The following RTRAF variants were observed in gnomAD, a reference collection of about 807,000 sequenced individuals.
RTRAF encodes the protein tRNA-splicing ligase complex subunit RTRAF.
RTRAF carries 14 observed loss-of-function variants against 34.4 expected under a neutral mutation model. The observed-to-expected ratio is 0.41, with a 90% CI of 0.27 to 0.64. RTRAF has a LOEUF of 0.64. Ranked by LOEUF, RTRAF falls within the 30% of genes least tolerant of loss-of-function variation. The probability of loss-of-function intolerance (pLI) is 0.34; values close to 1 mark genes in which losing one functional copy is unlikely to be tolerated. For missense variants in RTRAF, 291 were observed against 288.4 expected, an observed-to-expected ratio of 1.01 and a Z score of -0.06; for synonymous variants, 96 against 95.3, an observed-to-expected ratio of 1.01 and a Z score of -0.04.
intron 6 of RTRAF, among the ~76,000 whole-genome samples, chr14:52,003,538 T>C (rs1301277850): frequency 2.0e-5 from 3 of 152,192 alleles, no homozygotes; most frequent in African/African-American, 7.2e-5. Context: ...TGATTTTATA[T>C]AATCAGCAGG....
chr14:52,005,659 G>T lies in RTRAF; in HGVS notation c.*1143G>T. ...GGCAATGGTGGCAGTGTCACAGGCA[G>T]CAGGGGTAATCAAATACCATATATA... On this transcript the variant is annotated 3_prime_UTR_variant, in exon 8 of 8. Coordinates refer to ENST00000261700, the MANE Select transcript of RTRAF (RefSeq NM_016039.3). The T allele has an allele frequency of 7.2e-7, 1 of 1,382,268 alleles. No individual in the cohort carries two copies. Among genetic ancestry groups the T allele is most frequent in the Non-Finnish European group, 1.0e-6 (1 of 970,574 alleles). The allele number at this position is 1,382,268 out of a possible 1,614,324, so 85.6% of individuals were successfully genotyped here. A position where few individuals can be genotyped will look rare whatever the true frequency, so the allele number is the denominator to read the frequency against.
intron 3 of RTRAF, among the ~76,000 whole-genome samples, chr14:51,996,807 G>C (rs61971506): frequency 2.0e-5 from 3 of 151,724 alleles, no homozygotes; most frequent in East Asian, 3.9e-4. Context: ...CACTTCTCTC[G>C]AAAGAAAAAA....
intron 3 of RTRAF, among the ~76,000 whole-genome samples, chr14:51,997,632 GA>G (rs1483891363): frequency 3.3e-5 from 5 of 151,932 alleles, no homozygotes; most frequent in African/African-American, 1.2e-4. Flanking sequence ...TTTTTCAAAT[GA>G]AAATAATAAA....
intron 3 of RTRAF, 37 bp downstream of exon 3, chr14:51,993,859 G>T: frequency 8.2e-7 from 1 of 1,216,394 alleles, no homozygotes; most frequent in Admixed American, 2.2e-5. Context: ...TAAAGAGAGA[G>T]GAAAGATGGG....
chr14:52,001,930 T>A (rs1890607616), intron 6 of RTRAF, 64 bp downstream of exon 6: 1 of 1,360,564 alleles, frequency 7.3e-7, no homozygotes, highest in Non-Finnish European at 1.0e-6. Context: ...GCCGTGATTT[T>A]AAACTTTGCA....
In RTRAF at chr14:52,001,830, A is replaced by AC; in HGVS notation, c.496dup (p.Gln166ProfsTer6). On this transcript the variant is annotated frameshift_variant, in exon 6 of 8. Coordinates refer to ENST00000261700, the MANE Select transcript of RTRAF (RefSeq NM_016039.3). LOFTEE classifies it high-confidence loss of function. Reference sequence around the variant, plus strand: ...GGATTTTGGTTCAGGAGCGCCTGACACAGGATGCAGTTGCTAAGGCAAATC... The same window carrying AC: ...GGATTTTGGTTCAGGAGCGCCTGACACCAGGATGCAGTTGCTAAGGCAAATC... 2 of 1,610,392 alleles carry AC rather than the reference A, an allele frequency of 1.2e-6. No homozygotes were observed. The highest frequency in any genetic ancestry group is 1.7e-6 in the Non-Finnish European group (2 of 1,179,038).
chr14:51,991,464 A>G (rs760813595), intron 2 of RTRAF, 23 bp downstream of exon 2: 1 of 1,594,454 alleles, frequency 6.3e-7, no homozygotes, highest in Non-Finnish European at 8.5e-7. Flanking sequence ...GAAGTAAAGT[A>G]AAAATACAGA....
chr14:51,989,582 C>T lies in RTRAF; in HGVS notation c.-58C>T. ...TCGCCGGTGCCTGCGCCTCCCGCTC[C>T]ACCTCGCTTCTTCTCTCCCGGCCGA... On this transcript the variant is annotated 5_prime_UTR_variant, in exon 1 of 8. Coordinates refer to ENST00000261700, the MANE Select transcript of RTRAF (RefSeq NM_016039.3). The T allele has an allele frequency of 2.6e-6, 4 of 1,535,704 alleles. No homozygotes were observed. The highest frequency in any genetic ancestry group is 2.0e-5 in the Admixed American group (1 of 50,610).
At chr14:51,991,267 G>C (rs1214633178) in intron 1 of RTRAF, 50 bp from the exon 2 acceptor site, 4 of 1,556,128 alleles carry the variant, frequency 2.6e-6, no homozygotes, top group Non-Finnish European at 3.5e-6. Flanking sequence ...CTGAGAAGGA[G>C]GTATTTTATG....
chr14:52,009,979 C>G lies in RTRAF; in HGVS notation c.*5463C>G, dbSNP rs544866870. On this transcript the variant is annotated 3_prime_UTR_variant, in exon 8 of 8. Transcript: ENST00000261700. Reference sequence around the variant, plus strand: ...CCCAGCCTCGGCAACAAAGCAAGACCTTGTCTCAAAAAAAAGAAAAAAAAA... The same window carrying G: ...CCCAGCCTCGGCAACAAAGCAAGACGTTGTCTCAAAAAAAAGAAAAAAAAA... 2.0e-4 allele frequency: 30 copies of G among 151,664 alleles called. No individual in the cohort carries two copies. Among genetic ancestry groups the G allele is most frequent in the Admixed American group, 8.5e-4 (13 of 15,230 alleles). The allele number at this position is 151,664 out of a possible 1,614,324, so 9.4% of individuals were successfully genotyped here. A position where few individuals can be genotyped will look rare whatever the true frequency, so the allele number is the denominator to read the frequency against.
intron 5 of RTRAF, among the ~76,000 whole-genome samples, chr14:52,000,577 C>T (rs1004166809): frequency 2.6e-5 from 4 of 152,128 alleles, no homozygotes; most frequent in African/African-American, 9.7e-5. Flanking sequence ...AGAGATTAAG[C>T]CATAACTTAC....
rs898040075 is a variant in RTRAF, at chr14:52,008,265, T to C, written c.*3749T>C. The C allele has an allele frequency of 2.3e-5, 6 of 257,806 alleles. No individual in the cohort carries two copies. Among genetic ancestry groups the C allele is most frequent in the African/African-American group, 1.1e-4 (5 of 44,552 alleles). The allele number at this position is 257,806 out of a possible 1,614,324, so 16.0% of individuals were successfully genotyped here. A position where few individuals can be genotyped will look rare whatever the true frequency, so the allele number is the denominator to read the frequency against. ...GCAAGCTACCCTGTAAAGGGGAACA[T>C]GTGCCAAGGAACTGATGTCCTTGAG... On this transcript the variant is annotated 3_prime_UTR_variant, in exon 8 of 8. Transcript: ENST00000261700.
chr14:52,009,365 A>G lies in RTRAF; in HGVS notation c.*4849A>G, dbSNP rs1170935357. 6.6e-6 allele frequency: 1 copy of G among 152,270 alleles called. No homozygotes were observed. Among genetic ancestry groups the G allele is most frequent in the Admixed American group, 6.5e-5 (1 of 15,286 alleles). 9.4% of individuals were successfully genotyped at this position (152,270 alleles called of 1,614,324 possible). On this transcript the variant is annotated 3_prime_UTR_variant, in exon 8 of 8. Transcript: ENST00000261700. ...TGGTGTAAATTATTTGGGGATTGCC[A>G]GAGGAAGAAAGTTGTAAAGGTGAAA...
chr14:51,992,502 C>A (rs904335672), intron 2 of RTRAF, among the ~76,000 whole-genome samples: 1 of 152,138 alleles, frequency 6.6e-6, no homozygotes, highest in South Asian at 2.1e-4. Flanking sequence ...AAGTCCCTGG[C>A]GCATAGCAAG....
chr14:51,999,280 CCTTGA>C (rs1890567154), intron 4 of RTRAF: 1 of 155,792 alleles, frequency 6.4e-6, no homozygotes, highest in African/African-American at 2.4e-5. Flanking sequence ...TACAGATACT[CCTTGA>C]CTTAGGATGA....
At chr14:52,004,069 T>C (rs1242835543) in intron 6 of RTRAF, 125 bp from the exon 7 acceptor site, 17 of 804,694 alleles carry the variant, frequency 2.1e-5, no homozygotes, top group East Asian at 5.0e-5. Context: ...AAATTCCTAG[T>C]TCCCTTGCCC....
In RTRAF at chr14:52,005,440, C is replaced by T. The variant is rs769793267; in HGVS notation, c.*924C>T. 6.5e-7 allele frequency: 1 copy of T among 1,544,860 alleles called. No individual in the cohort carries two copies. The highest frequency in any genetic ancestry group is 2.2e-5 in the East Asian group (1 of 44,510). On this transcript the variant is annotated 3_prime_UTR_variant, in exon 8 of 8. Coordinates refer to ENST00000261700, the MANE Select transcript of RTRAF (RefSeq NM_016039.3). ...CTTTGCAGTCACTGTTCTTTAGGGT[C>T]CAGGTTCTGATTGTAAACTCCAAGT...
chr14:51,994,988 T>C (rs970670475), intron 3 of RTRAF, among the ~76,000 whole-genome samples: 37 of 152,080 alleles, frequency 2.4e-4, no homozygotes, highest in Non-Finnish European at 3.7e-4. Context: ...TGCTGTCTTA[T>C]GTCTTAGCAG....
intron 6 of RTRAF, 175 bp from the exon 7 acceptor site, chr14:52,004,019 A>AAACT (rs1192333399): frequency 1.6e-6 from 1 of 627,058 alleles, no homozygotes; most frequent in Non-Finnish European, 2.8e-6. Flanking sequence ...GAAATAGGGA[A>AAACT]AACTCGCTAA....
Sources: allele counts gnomAD v4.1 joint callset (sites outside exome capture counted in the v4.1 genomes callset), GRCh38; gene constraint gnomAD v4.1.1; transcripts MANE v1.5; gene names NCBI Gene and HGNC (gene_info 2026-07-23, HGNC 2026-07-21).